The following TBC1D1 variants were observed in gnomAD, a reference collection of about 807,000 sequenced individuals.
TBC1D1 encodes TBC1 (tre-2/USP6, BUB2, cdc16) domain family, member 1.
Under a neutral mutation model 125.6 loss-of-function variants are expected in TBC1D1, and 89 were observed. The observed-to-expected ratio is 0.71, with a 90% CI of 0.60 to 0.85. TBC1D1 has a LOEUF of 0.85. Among genes scored for constraint, TBC1D1 ranks in the 40% least tolerant of loss-of-function variants. The pLI is 0.00. For synonymous variants in TBC1D1, 565 were observed against 564.1 expected, an observed-to-expected ratio of 1.00 and a Z score of -0.02; for missense variants, 1,377 against 1,469.2, an observed-to-expected ratio of 0.94 and a Z score of 1.03.
chr4:38,056,155 C>T (rs540060121), intron 12 of TBC1D1, among the ~76,000 whole-genome samples: 41 of 152,352 alleles, frequency 2.7e-4, no homozygotes, highest in African/African-American at 9.4e-4. Context: ...TCTCTGGTCT[C>T]TGAAGCCACA....
At chr4:38,110,531 T>C (rs772761187) in intron 15 of TBC1D1, 11 of 985,340 alleles carry the variant, frequency 1.1e-5, no homozygotes, top group African/African-American at 1.7e-5. Flanking sequence ...TTTAGAAATA[T>C]GTTTGAATTG....
chr4:37,920,964 G>C (rs535666355), intron 2 of TBC1D1, among the ~76,000 whole-genome samples: 1 of 152,078 alleles, frequency 6.6e-6, no homozygotes, highest in East Asian at 1.9e-4. Flanking sequence ...CAAAAAATTA[G>C]CCAGGCATGG....
At chr4:38,111,052 G>A (rs893603644) in intron 15 of TBC1D1, among the ~76,000 whole-genome samples, 2 of 152,252 alleles carry the variant, frequency 1.3e-5, no homozygotes, top group African/African-American at 2.4e-5. Context: ...CTCTGCCCAC[G>A]GCTCCGGCCA....
chr4:37,976,189 CAG>C (rs1354352630), intron 2 of TBC1D1, among the ~76,000 whole-genome samples: 1 of 152,212 alleles, frequency 6.6e-6, no homozygotes, highest in Non-Finnish European at 1.5e-5. Flanking sequence ...CAGCAAGAAA[CAG>C]AGGCCCTGAG....
intron 2 of TBC1D1, among the ~76,000 whole-genome samples, chr4:37,953,136 C>T (rs1042692392): frequency 2.0e-5 from 3 of 152,078 alleles, no homozygotes; most frequent in African/African-American, 4.8e-5. Context: ...GTGCCTTTTC[C>T]GACAAGTTTG....
At chr4:38,110,115 C>G in intron 15 of TBC1D1, 2 of 777,416 alleles carry the variant, frequency 2.6e-6, no homozygotes, top group Non-Finnish European at 1.6e-6. Context: ...GACCTCTGGC[C>G]TCTTGTAGCA....
At chr4:38,128,635 G>A (rs569530783) in intron 18 of TBC1D1, among the ~76,000 whole-genome samples, 5 of 152,268 alleles carry the variant, frequency 3.3e-5, no homozygotes, top group Non-Finnish European at 5.9e-5. Context: ...CTGGATCCTG[G>A]GTGGAAGAGG....
At chr4:37,949,930 A>G (rs1341902419) in intron 2 of TBC1D1, among the ~76,000 whole-genome samples, 2 of 152,118 alleles carry the variant, frequency 1.3e-5, no homozygotes, top group Admixed American at 1.3e-4. Flanking sequence ...GAAGATTCCT[A>G]ACGGAGTTGA....
chr4:38,001,491 A>G (rs753351566), intron 2 of TBC1D1, among the ~76,000 whole-genome samples: 9 of 152,198 alleles, frequency 5.9e-5, no homozygotes, highest in Non-Finnish European at 1.0e-4. Flanking sequence ...CCCAGGAGAT[A>G]TAGGTTGGGG....
chr4:38,103,235 T>C, intron 15 of TBC1D1, 78 bp downstream of exon 17: 3 of 1,440,592 alleles, frequency 2.1e-6, no homozygotes, highest in Middle Eastern at 1.8e-4. Flanking sequence ...GTCCAAGTTA[T>C]GTATTGACCT....
intron 12 of TBC1D1, among the ~76,000 whole-genome samples, chr4:38,072,103 T>C (rs1352497116): frequency 6.6e-6 from 1 of 152,220 alleles, no homozygotes; most frequent in Non-Finnish European, 1.5e-5. Flanking sequence ...GCAGTAACTG[T>C]CTTGTTTCAT....
intron 14 of TBC1D1, among the ~76,000 whole-genome samples, chr4:38,100,127 A>G (rs1482169952): frequency 6.6e-6 from 1 of 152,188 alleles, no homozygotes; most frequent in African/African-American, 2.4e-5. Context: ...GTGTGTGTGT[A>G]TGTACCCAGG....
chr4:38,122,912 C>T (rs748625212), intron 17 of TBC1D1, among the ~76,000 whole-genome samples: 12 of 152,062 alleles, frequency 7.9e-5, no homozygotes, highest in South Asian at 2.1e-4. Context: ...ATAACACCAC[C>T]CTCTCCCCTC....
At chr4:38,121,292 T>G (rs866275452) in intron 17 of TBC1D1, among the ~76,000 whole-genome samples, 2 of 152,306 alleles carry the variant, frequency 1.3e-5, no homozygotes, top group South Asian at 2.1e-4. Context: ...AGAGATGCAG[T>G]GCAAGCTCAC....
At position 37,960,719 on chromosome 4, in the gene TBC1D1, GA is replaced by G. The variant is rs760267066; in HGVS notation, c.418-53788del. 4.1e-5 allele frequency: 66 copies of G among 1,614,176 alleles called. No homozygotes were observed. In the African/African-American group the frequency reaches 7.2e-4, roughly 18 times the overall value. ...GCTTTTCTGCCAAAAAGATGACCGA[GA>G]AGACTGTTAAAACAAAAAGTTCTGT... On this transcript the variant is annotated intron_variant, in intron 2 of 19. Transcript: ENST00000261439.
chr4:38,007,869 A>G (rs545500338), intron 2 of TBC1D1, among the ~76,000 whole-genome samples: 3 of 152,324 alleles, frequency 2.0e-5, no homozygotes, highest in South Asian at 4.1e-4. Flanking sequence ...AGGCCTTCCT[A>G]TGAAGCCCTG....
chr4:38,018,286 T>G, intron 3 of TBC1D1, 68 bp from the exon 4 acceptor site: 1 of 1,164,802 alleles, frequency 8.6e-7, no homozygotes, highest in Middle Eastern at 2.0e-4. Context: ...GTCCCTTTTA[T>G]TCTTTATTTT....
intron 7 of TBC1D1, among the ~76,000 whole-genome samples, chr4:38,033,400 T>A (rs1473935362): frequency 6.6e-6 from 1 of 152,148 alleles, no homozygotes; most frequent in Non-Finnish European, 1.5e-5. Flanking sequence ...TAATTTTTTT[T>A]AGAGCAGTTT....
chr4:38,082,962 C>T (rs1428930028), intron 12 of TBC1D1, among the ~76,000 whole-genome samples: 2 of 152,086 alleles, frequency 1.3e-5, no homozygotes, highest in Non-Finnish European at 2.9e-5. Context: ...GCCTCTTGCT[C>T]CTGGTCCTTG....
Sources: allele counts gnomAD v4.1 joint callset (sites outside exome capture counted in the v4.1 genomes callset), GRCh38; gene constraint gnomAD v4.1.1; transcripts MANE v1.5; gene names NCBI Gene and HGNC (gene_info 2026-07-23, HGNC 2026-07-21).